KMT2E: variants seen among roughly 807,000 people sequenced by gnomAD.
KMT2E encodes lysine methyltransferase 2E (inactive).
In KMT2E, 30 loss-of-function variants were observed where a neutral mutation model predicts 184.6. That is an observed-to-expected ratio of 0.16 (90% CI 0.12 to 0.22). The LOEUF (loss-of-function observed/expected upper bound fraction) is 0.22, where lower values mean the gene tolerates loss of function less well. Among genes scored for constraint, KMT2E ranks in the 10% least tolerant of loss-of-function variants. The probability of loss-of-function intolerance (pLI) is 1.00; values close to 1 mark genes in which losing one functional copy is unlikely to be tolerated. For synonymous variants in KMT2E, 815 were observed against 776.5 expected (o/e 1.05, Z -0.82); for missense variants, 2,023 against 2,237.4 (o/e 0.90, Z 1.93).
intron 13 of KMT2E, among the ~76,000 whole-genome samples, chr7:105,082,305 A>G (rs1317306288): frequency 2.0e-5 from 3 of 152,166 alleles, no homozygotes; most frequent in African/African-American, 4.8e-5. Flanking sequence ...CCCTTGCACA[A>G]TGCGGGGTTG....
rs549404670 is a variant in KMT2E at position 105,081,905 on chromosome 7, T to C, written c.1358+108T>C. The stretch of plus-strand genomic sequence containing the variant: ...TTTTATAGCTTTTTATTTTTATCTA[T>C]CATGAATCAGTTAAAAGTACTTGAA... On this transcript the variant is annotated intron_variant, in intron 13 of 26. Coordinates refer to ENST00000311117, the MANE Select transcript of KMT2E (RefSeq NM_182931.3). 4 of 551,606 alleles carry C rather than the reference T, an allele frequency of 7.3e-6. No homozygotes were observed. The Admixed American group carries it at 9.8e-5, about 14-fold the overall frequency. 34.2% of individuals were successfully genotyped at this position (551,606 alleles called of 1,614,324 possible). A position where few individuals can be genotyped will look rare whatever the true frequency, so the allele number is the denominator to read the frequency against.
chr7:105,101,844 T>C (rs1325142277), intron 16 of KMT2E, 42 bp from the exon 17 acceptor site: 1 of 1,420,582 alleles, frequency 7.0e-7, no homozygotes, highest in East Asian at 2.4e-5. Context: ...ACTTTATATA[T>C]ATGTAGTATA....
chr7:105,092,103 A>G (rs776277391), intron 15 of KMT2E, among the ~76,000 whole-genome samples: 1 of 152,136 alleles, frequency 6.6e-6, no homozygotes, highest in Non-Finnish European at 1.5e-5. Flanking sequence ...CTCACGTCAC[A>G]TATTTAAGGG....
At position 105,068,647 on chromosome 7, in the gene KMT2E, T is replaced by G. The variant is rs79289655; in HGVS notation, c.497+1840T>G. 5.8e-3 allele frequency among the ~76,000 whole-genome samples: 855 copies of G among 147,368 alleles called. 4 individuals are homozygous for G. Among genetic ancestry groups the G allele is most frequent in the Non-Finnish European group, 8.9e-3 (600 of 67,046 alleles). On this transcript the variant is annotated intron_variant, in intron 6 of 26. Transcript: ENST00000311117. ...TGGTTTTTTTTTTTTTTGTTTTTTT[T>G]TTTTTTTTGTAGGCACAGGGTTTCA...
chr7:105,112,714 C>T lies in KMT2E; in HGVS notation c.4958C>T (p.Ala1653Val). 1 of 1,613,910 alleles carries T rather than the reference C, an allele frequency of 6.2e-7. No homozygotes were observed. The highest frequency in any genetic ancestry group is 8.5e-7 in the Non-Finnish European group (1 of 1,179,960). ...QPNSHQQHSV[A>V]HVVGPVHAVT... Reference sequence around the variant, plus strand: ...AATTCCCATCAGCAACACTCTGTAGCACATGTAGTAGGGCCTGTTCATGCG... The same window carrying T: ...AATTCCCATCAGCAACACTCTGTAGTACATGTAGTAGGGCCTGTTCATGCG... The change falls in exon 27 of 27, where the codon GCA becomes GTA. Residue 1653 changes from alanine to valine, a missense_variant. Ala to Val is a moderately conservative substitution (Grantham distance 64). Transcript: ENST00000311117.
intron 1 of KMT2E, among the ~76,000 whole-genome samples, chr7:105,022,109 C>G (rs1794980712): frequency 6.6e-6 from 1 of 152,098 alleles, no homozygotes; most frequent in Non-Finnish European, 1.5e-5. Context: ...GTATGCATTT[C>G]CTAAGAACAC....
chr7:105,100,082 G>A (rs965415231), intron 15 of KMT2E, among the ~76,000 whole-genome samples: 11 of 152,282 alleles, frequency 7.2e-5, no homozygotes, highest in African/African-American at 2.2e-4. Context: ...GTGTTTGCCC[G>A]TCCCAGACTA....
At position 105,077,286 on chromosome 7, in the gene KMT2E, A is replaced by G. The variant is rs773545185; in HGVS notation, c.1000-17A>G. 6.2e-7 allele frequency: 1 copy of G among 1,606,024 alleles called. No individual in the cohort carries two copies. The highest frequency in any genetic ancestry group is 8.5e-7 in the Non-Finnish European group (1 of 1,174,944). On this transcript the variant is annotated splice_polypyrimidine_tract_variant and intron_variant, in intron 10 of 26. Transcript: ENST00000311117. ...ACAAGCAAGTTTATTTAATCTCAAC[A>G]TTTACTCTGATTTTAGAGCCATATA...
Position 105,110,551 on chromosome 7 carries a change from C to T in KMT2E, c.3919C>T (p.Pro1307Ser), listed in dbSNP as rs780410641. Residue 1307 changes from proline (P) to serine (S), a missense_variant, in exon 25 of 27, where the codon CCC becomes TCC. Pro to Ser is a moderately conservative substitution (Grantham distance 74). Around this residue, in one of 8 missense-constraint regions of KMT2E, gnomAD observed 1,108 missense variants for 1,050.9 expected, o/e 1.05. Transcript: ENST00000311117. ...ACCTTCATCTCATTCAAATCACATA[C>T]CCCAGTTGCAAGCTAAGGGCCCAGT... ...SSPSSHSNHI[P>S]QLQAKGPVPS... is the part of the protein sequence containing the mutation. The T allele has an allele frequency of 1.2e-5, 19 of 1,614,066 alleles. No individual in the cohort carries two copies. The South Asian group carries it at 1.4e-4, about 12-fold the overall frequency.
intron 12 of KMT2E, among the ~76,000 whole-genome samples, 173 bp downstream of exon 12, chr7:105,079,136 CT>C (rs375440773): frequency 3.7e-3 from 505 of 135,586 alleles, no homozygotes; most frequent in Admixed American, 3.5e-3. Context: ...GCTATGAAGT[CT>C]TTTTTTTTTT....
At chr7:105,052,559 TTTTTTA>T (rs1283509087) in intron 3 of KMT2E, among the ~76,000 whole-genome samples, 6 of 151,968 alleles carry the variant, frequency 3.9e-5, no homozygotes, top group South Asian at 4.1e-4. Context: ...TTTTTATTTA[TTTTTTA>T]TTTTTATTTC....
At chr7:105,045,150 A>G (rs548370412) in intron 3 of KMT2E, among the ~76,000 whole-genome samples, 4 of 152,296 alleles carry the variant, frequency 2.6e-5, no homozygotes, top group African/African-American at 4.8e-5. Context: ...GCTATGTATA[A>G]TTTAGTTATT....
At chr7:105,095,663 CT>C (rs1392339695) in intron 15 of KMT2E, among the ~76,000 whole-genome samples, 1 of 152,096 alleles carries the variant, frequency 6.6e-6, no homozygotes, top group Non-Finnish European at 1.5e-5. Context: ...TCGTTACCTG[CT>C]TTTACAAAAG....
intron 3 of KMT2E, among the ~76,000 whole-genome samples, chr7:105,060,399 A>G (rs1455672646): frequency 6.6e-6 from 1 of 151,476 alleles, no homozygotes; most frequent in African/African-American, 2.4e-5. Context: ...ACCATTTTTT[A>G]TCTTTTTTAT....
At position 105,102,140 on chromosome 7, in the gene KMT2E, A is replaced by G. The variant is rs1173131373; in HGVS notation, c.2142A>G (p.Glu714=). ...CTGCACTAGCAGAAATAATTACTGA[A>G]ACTGAAGTTCCAGCACTTAATAAAT... ...TETALAEIIT[E]TEVPALNKCP... Residue 714 remains glutamate, a synonymous_variant, in exon 17 of 27, where the codon GAA becomes GAG. Transcript: ENST00000311117. The G allele has an allele frequency of 6.2e-7, 1 of 1,612,824 alleles. No homozygotes were observed. Among genetic ancestry groups the G allele is most frequent in the East Asian group, 2.2e-5 (1 of 44,836 alleles).
intron 13 of KMT2E, among the ~76,000 whole-genome samples, chr7:105,085,152 GTATAAC>G (rs1160539439): frequency 1.3e-4 from 17 of 134,140 alleles, no homozygotes; most frequent in Non-Finnish European, 1.5e-5. Context: ...AAAAATCCAT[GTATAAC>G]TATAATGTGC....
intron 12 of KMT2E, among the ~76,000 whole-genome samples, chr7:105,081,264 G>T (rs1797754433): frequency 6.6e-6 from 1 of 151,804 alleles, no homozygotes; most frequent in African/African-American, 2.4e-5. Flanking sequence ...GGTGCCTGTA[G>T]TTCCAGCTAC....
chr7:105,071,604 ATATATTTTTT>A (rs1180166955), intron 6 of KMT2E, among the ~76,000 whole-genome samples: 34 of 65,198 alleles, frequency 5.2e-4, no homozygotes, highest in African/African-American at 2.0e-3. Flanking sequence ...ATATATATAT[ATATATTTTTT>A]TTTTTTTTTT....
At chr7:105,082,631 A>T (rs557447790) in intron 13 of KMT2E, among the ~76,000 whole-genome samples, 20 of 152,040 alleles carry the variant, frequency 1.3e-4, no homozygotes, top group Non-Finnish European at 2.5e-4. Context: ...GGGGTGACAG[A>T]GGGAGAAGGG....
Sources: gnomAD v4.1 joint callset for allele counts (sites outside exome capture counted in the v4.1 genomes callset) on GRCh38, gnomAD v4.1.1 for gene constraint, gnomAD v4.1.1 regional missense constraint, MANE v1.5 for transcripts, NCBI Gene and HGNC (gene_info 2026-07-23, HGNC 2026-07-21) for gene names.